Variants in NREP observed in about 807,000 individuals in gnomAD.
The protein encoded by NREP is neuronal regeneration-related protein.
In NREP, 5 loss-of-function variants were observed where a neutral mutation model predicts 8.6. That is an observed-to-expected ratio of 0.58 (90% CI 0.30 to 1.22). The LOEUF (loss-of-function observed/expected upper bound fraction) is 1.22, where lower values mean the gene tolerates loss of function less well. Among genes scored for constraint, NREP ranks in the 50% most tolerant of loss-of-function variants. NREP has a pLI of 0.07. For synonymous variants in NREP, 27 were observed against 28.0 expected (o/e 0.96, Z 0.11); for missense variants, 86 against 82.5 (o/e 1.04, Z -0.17).
At chr5:111,873,874 T>C (rs1179312598) in intron 2 of NREP, among the ~76,000 whole-genome samples, 1 of 152,154 alleles carries the variant, frequency 6.6e-6, no homozygotes, top group East Asian at 1.9e-4. Flanking sequence ...GAACACTAGT[T>C]ACTCCATCAA....
At chr5:111,974,047 G>A (rs1312236957) in intron 2 of NREP, among the ~76,000 whole-genome samples, 2 of 100,202 alleles carry the variant, frequency 2.0e-5, no homozygotes, top group Non-Finnish European at 2.4e-5. Flanking sequence ...GCACTTGACT[G>A]CAAGAGTTTA....
Position 111,774,783 on chromosome 5 carries a change from T to G in NREP, c.136-39276A>C, listed in dbSNP as rs899451679. ...GAGCCTCCAGAAAGGAATGCAGCCC[T>G]GCTGACATTCTGATTTCTACCTTGT... On this transcript the variant is annotated intron_variant, in intron 2 of 3. Transcript: ENST00000395634. Among the ~76,000 whole-genome samples, 18 of 152,348 alleles carry G rather than the reference T, an allele frequency of 1.2e-4. No individual in the cohort carries two copies. In the East Asian group the frequency reaches 3.5e-3, roughly 29 times the overall value.
At chr5:111,966,917 G>A (rs1237132173) in intron 2 of NREP, among the ~76,000 whole-genome samples, 2 of 152,298 alleles carry the variant, frequency 1.3e-5, no homozygotes, top group African/African-American at 4.8e-5. Flanking sequence ...TTCTCCAGGG[G>A]TTAGGCATGG....
intron 2 of NREP, among the ~76,000 whole-genome samples, chr5:111,795,031 G>GTGA (rs1216944297): frequency 6.6e-6 from 1 of 150,958 alleles, no homozygotes; most frequent in African/African-American, 2.4e-5. Context: ...CCGGAAAAAT[G>GTGA]TGATGTGAAT....
At chr5:111,861,116 C>G (rs1313970235) in intron 2 of NREP, among the ~76,000 whole-genome samples, 1 of 152,198 alleles carries the variant, frequency 6.6e-6, no homozygotes, top group African/African-American at 2.4e-5. Flanking sequence ...CAGAAGTGAA[C>G]TGCTCTGAAA....
chr5:111,801,595 T>C (rs1032745311), intron 2 of NREP, among the ~76,000 whole-genome samples: 3 of 152,134 alleles, frequency 2.0e-5, no homozygotes, highest in Non-Finnish European at 4.4e-5. Context: ...TAAAAACAGT[T>C]GAGCTAGTTT....
chr5:111,946,424 A>G (rs1755985239), intron 2 of NREP, among the ~76,000 whole-genome samples: 2 of 152,046 alleles, frequency 1.3e-5, no homozygotes, highest in Non-Finnish European at 2.9e-5. Flanking sequence ...CTTTCATGTT[A>G]AATATTGTTT....
At chr5:111,918,676 A>G (rs113300512) in intron 2 of NREP, among the ~76,000 whole-genome samples, 9,712 of 152,142 alleles carry the variant, frequency 0.064, 712 homozygotes, top group East Asian at 0.23. Flanking sequence ...AGATGAAACT[A>G]GACCCCTTCC....
Position 111,730,786 on chromosome 5 carries a change from T to TTCTC in NREP, c.*131_*134dup. On this transcript the variant is annotated 3_prime_UTR_variant, in exon 4 of 4. Coordinates refer to ENST00000257435, the MANE Select transcript of NREP (RefSeq NM_004772.4). The stretch of plus-strand genomic sequence containing the variant: ...ATGACACCTATTTGTCCACTGTAAA[T>TTCTC]TCTCTAAAGCAAGGCTCAGAGTCCC... 1 of 1,029,706 alleles carries TTCTC rather than the reference T, an allele frequency of 9.7e-7. No homozygotes were observed. Among genetic ancestry groups the TTCTC allele is most frequent in the Non-Finnish European group, 1.4e-6 (1 of 715,196 alleles). 63.8% of individuals were successfully genotyped at this position (1,029,706 alleles called of 1,614,324 possible).
chr5:111,866,908 C>G (rs1411605900), intron 2 of NREP, among the ~76,000 whole-genome samples: 1 of 151,640 alleles, frequency 6.6e-6, no homozygotes, highest in Non-Finnish European at 1.5e-5. Context: ...AAAAACCAAA[C>G]ACCGCATGTT....
At chr5:111,922,208 T>A (rs1389917415) in intron 2 of NREP, among the ~76,000 whole-genome samples, 1 of 152,084 alleles carries the variant, frequency 6.6e-6, no homozygotes, top group Non-Finnish European at 1.5e-5. Context: ...TTCTGAGGTG[T>A]CTTTTGATAA....
chr5:111,849,066 G>A (rs1398852741), intron 2 of NREP, among the ~76,000 whole-genome samples: 1 of 152,112 alleles, frequency 6.6e-6, no homozygotes, highest in Admixed American at 6.6e-5. Flanking sequence ...ATAGTTTTGT[G>A]GGTAACACAG....
intron 2 of NREP, among the ~76,000 whole-genome samples, chr5:111,799,356 G>A (rs1751948494): frequency 6.6e-6 from 1 of 152,154 alleles, no homozygotes; most frequent in South Asian, 2.1e-4. Context: ...ACTGCTTTTA[G>A]CAGTATGGTC....
At chr5:111,801,285 C>G (rs768252532) in intron 2 of NREP, among the ~76,000 whole-genome samples, 1 of 152,144 alleles carries the variant, frequency 6.6e-6, no homozygotes, top group Admixed American at 6.5e-5. Context: ...TGTATTTACC[C>G]TTACAATGTG....
At chr5:111,837,224 T>A (rs1030268973) in intron 2 of NREP, among the ~76,000 whole-genome samples, 1 of 152,142 alleles carries the variant, frequency 6.6e-6, no homozygotes, top group East Asian at 1.9e-4. Context: ...AACCAGAGCT[T>A]CTTAGAGAAA....
chr5:111,925,589 G>C (rs895111929), intron 2 of NREP, among the ~76,000 whole-genome samples: 1 of 152,128 alleles, frequency 6.6e-6, no homozygotes, highest in African/African-American at 2.4e-5. Context: ...AATATCAGGG[G>C]CTGCCTGAGT....
At chr5:111,825,148 G>A (rs1369541931) in intron 2 of NREP, among the ~76,000 whole-genome samples, 5 of 151,932 alleles carry the variant, frequency 3.3e-5, no homozygotes, top group Admixed American at 3.3e-4. Context: ...CTCATTAATA[G>A]CAATGTTAGA....
At chr5:111,882,578 G>C (rs1581188517) in intron 2 of NREP, among the ~76,000 whole-genome samples, 1 of 152,202 alleles carries the variant, frequency 6.6e-6, no homozygotes, top group Non-Finnish European at 1.5e-5. Context: ...GGCAGCCAGA[G>C]AGAAAGGCTG....
intron 2 of NREP, among the ~76,000 whole-genome samples, chr5:111,890,266 CTG>C (rs144314297): frequency 0.38 from 58,489 of 152,060 alleles, 13,895 homozygotes; most frequent in Non-Finnish European, 0.54. Context: ...CCAGGGCACA[CTG>C]TTGTAAGGGG....
Sources: gnomAD v4.1 joint callset for allele counts (sites outside exome capture counted in the v4.1 genomes callset) on GRCh38, gnomAD v4.1.1 for gene constraint, MANE v1.5 for transcripts, NCBI Gene and HGNC (gene_info 2026-07-23, HGNC 2026-07-21) for gene names.